The following P4HA3 variants were observed in gnomAD, a reference collection of about 807,000 sequenced individuals.
P4HA3 encodes prolyl 4-hydroxylase subunit alpha-3.
A neutral mutation model predicts 66.7 loss-of-function variants in P4HA3; 60 were observed. The ratio of observed to expected loss-of-function variants is 0.90; its 90% CI spans 0.73 to 1.12. The LOEUF (loss-of-function observed/expected upper bound fraction) is 1.12, where lower values mean the gene tolerates loss of function less well. P4HA3 is among the 50% of genes most tolerant of loss of function. The pLI is 0.00. For synonymous variants in P4HA3, 263 were observed against 274.6 expected (o/e 0.96, Z 0.42); for missense variants, 683 against 685.8 (o/e 1.00, Z 0.05).
At chr11:74,307,875 A>G (rs1861619725) in intron 1 of P4HA3, among the ~76,000 whole-genome samples, 1 of 152,092 alleles carries the variant, frequency 6.6e-6, no homozygotes, top group South Asian at 2.1e-4. Flanking sequence ...TTCTTCTGGG[A>G]CATTATTAAT....
At chr11:74,287,367 G>A (rs1860834758) in intron 5 of P4HA3, 1 of 1,256,806 alleles carries the variant, frequency 8.0e-7, no homozygotes, top group Non-Finnish European at 1.0e-6. Flanking sequence ...TTTGGAGAAT[G>A]GAAATTATAA....
At chr11:74,281,859 A>T (rs1445114398) in intron 7 of P4HA3, among the ~76,000 whole-genome samples, 1 of 116,512 alleles carries the variant, frequency 8.6e-6, no homozygotes, top group Non-Finnish European at 1.7e-5. Context: ...ATGTACCCTA[A>T]AACTTAAAGT....
chr11:74,287,690 T>C (rs1395316230), intron 5 of P4HA3, among the ~76,000 whole-genome samples: 1 of 152,212 alleles, frequency 6.6e-6, no homozygotes, highest in Admixed American at 6.5e-5. Context: ...TGAAATACTT[T>C]ATAAATATTA....
intron 3 of P4HA3, among the ~76,000 whole-genome samples, chr11:74,301,312 T>A (rs1427754657): frequency 6.6e-6 from 1 of 152,164 alleles, no homozygotes; most frequent in African/African-American, 2.4e-5. Context: ...CAGTAAGACT[T>A]CCAGGAAGTG....
At chr11:74,304,529 A>G in intron 1 of P4HA3, 117 bp from the exon 2 acceptor site, 1 of 1,213,544 alleles carries the variant, frequency 8.2e-7, no homozygotes, top group Non-Finnish European at 1.2e-6. Flanking sequence ...ACCTCTTGAG[A>G]TTCACATAAT....
chr11:74,268,252 A>G lies in P4HA3; in HGVS notation c.1468-11T>C, dbSNP rs1260320685. On this transcript the variant is annotated splice_polypyrimidine_tract_variant and intron_variant, in intron 11 of 12. Coordinates refer to ENST00000331597, the MANE Select transcript of P4HA3 (RefSeq NM_182904.5). The stretch of plus-strand genomic sequence containing the variant: ...AAACAGTGCTGCATTCTGAAACAAG[A>G]GGGCCCAGCCCCAGGGAGGGTCAGC... The G allele has an allele frequency of 6.2e-7, 1 of 1,611,216 alleles. No homozygotes were observed. Among genetic ancestry groups the G allele is most frequent in the Non-Finnish European group, 8.5e-7 (1 of 1,178,346 alleles).
intron 7 of P4HA3, among the ~76,000 whole-genome samples, chr11:74,281,949 A>C (rs1860619250): frequency 6.6e-6 from 1 of 151,206 alleles, no homozygotes; most frequent in South Asian, 2.1e-4. Context: ...GCTTATGAAC[A>C]ACATGTGCTT....
intron 9 of P4HA3, among the ~76,000 whole-genome samples, chr11:74,276,050 G>T (rs1441306293): frequency 6.6e-6 from 1 of 152,172 alleles, no homozygotes; most frequent in Non-Finnish European, 1.5e-5. Flanking sequence ...TAACTCAAAA[G>T]CAGAAGATAA....
At chr11:74,298,477 A>G in intron 3 of P4HA3, 116 bp from the exon 4 acceptor site, 1 of 1,194,930 alleles carries the variant, frequency 8.4e-7, no homozygotes, top group Non-Finnish European at 1.2e-6. Context: ...TTAATTTCAA[A>G]TTCATTTTAA....
At chr11:74,294,011 A>G (rs1004228038) in intron 4 of P4HA3, among the ~76,000 whole-genome samples, 1 of 152,100 alleles carries the variant, frequency 6.6e-6, no homozygotes, top group Non-Finnish European at 1.5e-5. Flanking sequence ...TAGATTGGGG[A>G]AGTTCTCCTG....
At chr11:74,303,130 T>G (rs1259218374) in intron 2 of P4HA3, among the ~76,000 whole-genome samples, 1 of 152,038 alleles carries the variant, frequency 6.6e-6, no homozygotes, top group Non-Finnish European at 1.5e-5. Context: ...TTAAATAAAT[T>G]TTTTTGTAGA....
At chr11:74,265,979 G>T (rs1181702283), downstream of P4HA3, among the ~76,000 whole-genome samples, 1 of 152,172 alleles carries the variant, frequency 6.6e-6, no homozygotes, top group Admixed American at 6.5e-5. Context: ...TCATATGAAA[G>T]AAAGTGGCTG....
Position 74,267,323 on chromosome 11 carries a change from G to A in P4HA3, c.1565-5C>T. 1.2e-6 allele frequency: 2 copies of A among 1,614,022 alleles called. No individual in the cohort carries two copies. Among genetic ancestry groups the A allele is most frequent in the Non-Finnish European group, 1.7e-6 (2 of 1,179,940 alleles). On this transcript the variant is annotated splice_region_variant and splice_polypyrimidine_tract_variant and intron_variant, in intron 12 of 12. Transcript: ENST00000331597. The stretch of plus-strand genomic sequence containing the variant: ...CATGTATCCACTTGTTGGCCACTGG[G>A]AGAGAACAGGGAAGAAGGAGACAGC...
intron 7 of P4HA3, among the ~76,000 whole-genome samples, chr11:74,283,275 C>T (rs371189085): frequency 6.6e-6 from 1 of 152,156 alleles, no homozygotes; most frequent in Non-Finnish European, 1.5e-5. Context: ...TCACTTCTCC[C>T]GTTACCATGG....
rs560791522 is a variant in P4HA3 at position 74,286,484 on chromosome 11, C to A, written c.770-93G>T. On this transcript the variant is annotated intron_variant, in intron 5 of 12. Transcript: ENST00000331597. ...AAGGTTTCCTCCAGCTTCACTGCTG[C>A]ACAGGATGGGCAAGTGGATCTCCTG... 58 of 1,237,790 alleles carry A rather than the reference C, an allele frequency of 4.7e-5. No individual in the cohort carries two copies. In the South Asian group the frequency reaches 9.6e-4, roughly 21 times the overall value. 76.7% of individuals were successfully genotyped at this position (1,237,790 alleles called of 1,614,324 possible).
At chr11:74,252,551 T>A in intron 15 of P4HA3, 1 of 454,674 alleles carries the variant, frequency 2.2e-6, no homozygotes, top group Non-Finnish European at 4.4e-6. Flanking sequence ...TCCTGGAAGC[T>A]CTAGAGCAGG....
chr11:74,276,280 T>C (rs1192104120), intron 9 of P4HA3, among the ~76,000 whole-genome samples: 1 of 152,200 alleles, frequency 6.6e-6, no homozygotes, highest in Non-Finnish European at 1.5e-5. Flanking sequence ...ATAACAAGTA[T>C]GGCTGGGTGC....
chr11:74,274,251 C>T (rs181408908), intron 9 of P4HA3, among the ~76,000 whole-genome samples: 4 of 151,762 alleles, frequency 2.6e-5, no homozygotes, highest in African/African-American at 7.2e-5. Context: ...TTTGTTTATC[C>T]GTTCACCTGT....
chr11:74,296,002 T>A (rs948142293), intron 4 of P4HA3, among the ~76,000 whole-genome samples: 3 of 152,146 alleles, frequency 2.0e-5, no homozygotes, highest in African/African-American at 7.2e-5. Context: ...GAACAAAGAG[T>A]TACTTTCAGT....
Sources: allele counts gnomAD v4.1 joint callset (sites outside exome capture counted in the v4.1 genomes callset), GRCh38; gene constraint gnomAD v4.1.1; transcripts MANE v1.5; gene names NCBI Gene and HGNC (gene_info 2026-07-23, HGNC 2026-07-21).